GHR: variants seen among roughly 807,000 people sequenced by gnomAD.
The protein encoded by GHR is GH receptor.
GHR carries 35 observed loss-of-function variants against 67.1 expected under a neutral mutation model. The observed-to-expected ratio is 0.52, with a 90% CI of 0.40 to 0.69. The LOEUF is 0.69. Among genes scored for constraint, GHR ranks in the 30% least tolerant of loss-of-function variants. The probability of loss-of-function intolerance (pLI) is 0.00; values close to 1 mark genes in which losing one functional copy is unlikely to be tolerated. For missense variants in GHR, 792 were observed against 764.6 expected (o/e 1.04, Z -0.42); for synonymous variants, 272 against 269.1 (o/e 1.01, Z -0.10).
chr5:42,440,313 ATATT>A (rs1454392213), intron 1 of GHR, among the ~76,000 whole-genome samples: 2 of 152,176 alleles, frequency 1.3e-5, no homozygotes, highest in Admixed American at 6.5e-5. Flanking sequence ...TCAGGTTGGT[ATATT>A]TGATGGTTAG....
intron 7 of GHR, among the ~76,000 whole-genome samples, chr5:42,712,848 A>G (rs1161541082): frequency 6.6e-6 from 1 of 150,994 alleles, no homozygotes; most frequent in East Asian, 1.9e-4. Context: ...TATAATATAC[A>G]TGAGATATAT....
chr5:42,715,479 C>T (rs1758677539), intron 8 of GHR, among the ~76,000 whole-genome samples: 1 of 152,132 alleles, frequency 6.6e-6, no homozygotes, highest in East Asian at 1.9e-4. Flanking sequence ...TGAGTCAACT[C>T]TAGCAAAATT....
chr5:42,476,704 C>T (rs1296362626), intron 1 of GHR, among the ~76,000 whole-genome samples: 2 of 152,126 alleles, frequency 1.3e-5, no homozygotes, highest in East Asian at 3.9e-4. Context: ...GAAATACTGG[C>T]CAACAGAAAT....
chr5:42,559,384 CAAAT>C (rs1483834266), intron 1 of GHR, among the ~76,000 whole-genome samples: 1 of 151,942 alleles, frequency 6.6e-6, no homozygotes, highest in African/African-American at 2.4e-5. Context: ...ATAAAATAAA[CAAAT>C]AAATAAAAAT....
chr5:42,429,694 A>G (rs554611720), intron 1 of GHR, among the ~76,000 whole-genome samples: 48 of 152,352 alleles, frequency 3.2e-4, no homozygotes, highest in African/African-American at 1.2e-3. Flanking sequence ...ATAAAATTCT[A>G]TAAACAGTGC....
intron 1 of GHR, among the ~76,000 whole-genome samples, chr5:42,506,466 C>T (rs1490957067): frequency 6.6e-6 from 1 of 152,130 alleles, no homozygotes; most frequent in Non-Finnish European, 1.5e-5. Context: ...CTCACCCTAC[C>T]GTACTTCTTG....
At position 42,584,786 on chromosome 5, in the gene GHR, TACACAC is replaced by T. The variant is rs35457239; in HGVS notation, c.70+18867_70+18872del. ...TATTCAGCTTCTTAACTAGAATGTA[TACACAC>T]ACACACACACACACACACACACACG... On this transcript the variant is annotated intron_variant, in intron 2 of 9. Transcript: ENST00000230882. 2.3e-3 allele frequency among the ~76,000 whole-genome samples: 347 copies of T among 148,066 alleles called. 2 individuals carry two copies. Among genetic ancestry groups the T allele is most frequent in the Admixed American group, 0.011 (161 of 14,770 alleles).
chr5:42,624,753 A>G (rs529382599), intron 2 of GHR, among the ~76,000 whole-genome samples: 39 of 152,224 alleles, frequency 2.6e-4, no homozygotes, highest in Non-Finnish European at 4.7e-4. Context: ...ACCTTGACCA[A>G]AGGTCCTCTT....
At chr5:42,635,933 A>G (rs1754156481) in intron 3 of GHR, among the ~76,000 whole-genome samples, 1 of 151,930 alleles carries the variant, frequency 6.6e-6, no homozygotes, top group African/African-American at 2.4e-5. Context: ...ATTTTAGGCC[A>G]GACGCGGTGG....
intron 1 of GHR, among the ~76,000 whole-genome samples, chr5:42,518,632 A>G (rs1747343339): frequency 6.6e-6 from 1 of 151,538 alleles, no homozygotes; most frequent in Non-Finnish European, 1.5e-5. Flanking sequence ...CATTTGGATC[A>G]CTCTCTCTCT....
intron 3 of GHR, among the ~76,000 whole-genome samples, chr5:42,655,188 G>T (rs763612077): frequency 1.3e-5 from 2 of 152,096 alleles, no homozygotes; most frequent in Admixed American, 6.6e-5. Flanking sequence ...GTGTCTTTCT[G>T]CTCTAATATT....
chr5:42,523,351 G>T (rs1747558056), intron 1 of GHR, among the ~76,000 whole-genome samples: 1 of 152,166 alleles, frequency 6.6e-6, no homozygotes, highest in South Asian at 2.1e-4. Context: ...TTGAAGGTTT[G>T]TTGCAACCCT....
rs1426169668 is a variant in GHR at position 42,719,419 on chromosome 5, C to T, written c.1912C>T (p.Pro638Ser). The change falls in exon 10 of 10, where the codon CCT (proline) becomes TCT (serine). Residue 638 changes from proline to serine, a missense_variant. Physicochemically the swap from Pro to Ser is moderately conservative, Grantham distance 74. Transcript: ENST00000230882. ...CACAGACCAACTGAACAAAATCATG[C>T]CTTAGCCTTTCTTTGGTTTCCCAAG... The part of the protein sequence containing the change: ...VSTDQLNKIM[P>S] 2 of 1,612,346 alleles carry T rather than the reference C, an allele frequency of 1.2e-6. No individual in the cohort carries two copies. The highest frequency in any genetic ancestry group is 1.7e-6 in the Non-Finnish European group (2 of 1,179,770).
intron 2 of GHR, among the ~76,000 whole-genome samples, chr5:42,605,607 C>A (rs1294900487): frequency 6.6e-6 from 1 of 152,144 alleles, no homozygotes; most frequent in African/African-American, 2.4e-5. Context: ...GGACTTTATA[C>A]CCCACTCACT....
At position 42,719,486 on chromosome 5, in the gene GHR, G is replaced by A. The variant is rs755146148; in HGVS notation, c.*62G>A. ...GCAAAGAATTGACTGGGGCAATAACGTTTAAGCCAAAACAATGTTTAAACC... is the reference window on the plus strand; with the variant it reads ...GCAAAGAATTGACTGGGGCAATAACATTTAAGCCAAAACAATGTTTAAACC... On this transcript the variant is annotated 3_prime_UTR_variant, in exon 10 of 10. Transcript: ENST00000230882. 54 of 1,514,444 alleles carry A rather than the reference G, an allele frequency of 3.6e-5. No homozygotes were observed. The highest frequency in any genetic ancestry group is 1.7e-4 in the Middle Eastern group (1 of 5,926). 93.8% of individuals were successfully genotyped at this position (1,514,444 alleles called of 1,614,324 possible).
chr5:42,576,040 TTAAAATAATAAAATAAAATAAAATAAAA>T (rs1354434236), intron 2 of GHR, among the ~76,000 whole-genome samples: 2 of 26,640 alleles, frequency 7.5e-5, no homozygotes, highest in African/African-American at 3.6e-4. Flanking sequence ...TCTCAGAAAA[TTAAAATAATAAAATAAAATAAAATAAAA>T]TAAAATAAAA....
intron 2 of GHR, among the ~76,000 whole-genome samples, chr5:42,597,865 G>A (rs185282865): frequency 1.1e-3 from 173 of 152,302 alleles, no homozygotes; most frequent in Middle Eastern, 3.4e-3. Flanking sequence ...GGGTGTTGGG[G>A]AGGGCACACT....
At chr5:42,648,138 T>G (rs1754837363) in intron 3 of GHR, among the ~76,000 whole-genome samples, 1 of 152,218 alleles carries the variant, frequency 6.6e-6, no homozygotes, top group South Asian at 2.1e-4. Context: ...CATGTACCTC[T>G]TGAAGCCTGT....
intron 1 of GHR, among the ~76,000 whole-genome samples, chr5:42,508,749 A>G (rs959115616): frequency 3.3e-5 from 5 of 151,808 alleles, no homozygotes; most frequent in South Asian, 2.1e-4. Flanking sequence ...AATTTTTTGT[A>G]TTTTTTAGTA....
Sources: gnomAD v4.1 joint callset for allele counts (sites outside exome capture counted in the v4.1 genomes callset) on GRCh38, gnomAD v4.1.1 for gene constraint, MANE v1.5 for transcripts, NCBI Gene and HGNC (gene_info 2026-07-23, HGNC 2026-07-21) for gene names.